The following CPPED1 variants were observed in gnomAD, a reference collection of about 807,000 sequenced individuals.
CPPED1 encodes the protein serine/threonine-protein phosphatase CPPED1.
In CPPED1, 28 loss-of-function variants were observed where a neutral mutation model predicts 28.0. The ratio of observed to expected loss-of-function variants is 1.00; its 90% CI spans 0.74 to 1.37. The LOEUF is 1.37. CPPED1 is among the 40% of genes most tolerant of loss of function. The pLI, the probability that CPPED1 is intolerant of heterozygous loss-of-function variation, is 0.00. For missense variants in CPPED1, 504 were observed against 416.5 expected (o/e 1.21, Z -1.83); for synonymous variants, 198 against 180.2 (o/e 1.10, Z -0.79).
intron 2 of CPPED1, among the ~76,000 whole-genome samples, chr16:12,730,438 T>C (rs899242233): frequency 1.4e-4 from 22 of 152,172 alleles, no homozygotes; most frequent in African/African-American, 4.3e-4. Flanking sequence ...TTCCACTCCT[T>C]GGAATATACC....
chr16:12,678,330 C>A (rs904681401), intron 3 of CPPED1, among the ~76,000 whole-genome samples: 6 of 152,152 alleles, frequency 3.9e-5, no homozygotes, highest in Non-Finnish European at 5.9e-5. Context: ...GTGTCCACAT[C>A]CTTCCATCTA....
intron 3 of CPPED1, among the ~76,000 whole-genome samples, chr16:12,687,234 T>G (rs2079937990): frequency 6.6e-6 from 1 of 152,102 alleles, no homozygotes. Context: ...AAAGATACGG[T>G]GACTACAAAA....
intron 2 of CPPED1, chr16:12,753,012 A>G (rs2080340410): frequency 6.6e-6 from 1 of 152,030 alleles, no homozygotes; most frequent in Non-Finnish European, 1.5e-5. Context: ...GAAGACCGAT[A>G]GCAAAATGAT....
chr16:12,697,539 T>C (rs1045245986), intron 3 of CPPED1, among the ~76,000 whole-genome samples: 1 of 152,162 alleles, frequency 6.6e-6, no homozygotes, highest in East Asian at 1.9e-4. Context: ...ACATACAGAA[T>C]GTGGACAAGG....
intron 2 of CPPED1, among the ~76,000 whole-genome samples, chr16:12,770,888 G>A (rs1331067137): frequency 6.6e-6 from 1 of 151,316 alleles, no homozygotes; most frequent in Non-Finnish European, 1.5e-5. Context: ...GGAAAGGAAG[G>A]GGGAGGGGCG....
chr16:12,787,909 A>G (rs183072016), intron 1 of CPPED1, among the ~76,000 whole-genome samples: 1 of 152,304 alleles, frequency 6.6e-6, no homozygotes, highest in East Asian at 1.9e-4. Context: ...AGTGTTGGTC[A>G]ATGCTGAGGT....
At chr16:12,751,806 G>A (rs2080331187) in intron 2 of CPPED1, among the ~76,000 whole-genome samples, 1 of 152,156 alleles carries the variant, frequency 6.6e-6, no homozygotes, top group Non-Finnish European at 1.5e-5. Flanking sequence ...TTAATCTTTA[G>A]ACTATTTTTG....
intron 2 of CPPED1, among the ~76,000 whole-genome samples, chr16:12,746,455 A>C (rs1418300039): frequency 6.7e-6 from 1 of 150,278 alleles, no homozygotes; most frequent in Non-Finnish European, 1.5e-5. Flanking sequence ...TTTCACAGAC[A>C]TCCTGAAAAA....
intron 2 of CPPED1, among the ~76,000 whole-genome samples, chr16:12,731,440 TC>T (rs1456240140): frequency 6.6e-6 from 1 of 150,656 alleles, no homozygotes; most frequent in South Asian, 2.1e-4. Context: ...GGGGCATGGG[TC>T]CCCCGGGGAA....
At chr16:12,714,710 A>G (rs1210920149) in intron 2 of CPPED1, among the ~76,000 whole-genome samples, 3 of 152,210 alleles carry the variant, frequency 2.0e-5, no homozygotes, top group Non-Finnish European at 4.4e-5. Context: ...TATCAGATAC[A>G]GGATTTGCAA....
intron 3 of CPPED1, among the ~76,000 whole-genome samples, chr16:12,672,563 G>A (rs1440948253): frequency 6.6e-6 from 1 of 152,198 alleles, no homozygotes; most frequent in East Asian, 1.9e-4. Context: ...AGGTTTGTGT[G>A]CATATACAGG....
At chr16:12,702,746 C>A (rs1355646858) in intron 3 of CPPED1, among the ~76,000 whole-genome samples, 1 of 152,002 alleles carries the variant, frequency 6.6e-6, no homozygotes, top group Non-Finnish European at 1.5e-5. Context: ...ACCTGTAATC[C>A]CAGCACTTTG....
At chr16:12,671,040 T>C (rs1457601020) in intron 3 of CPPED1, among the ~76,000 whole-genome samples, 1 of 151,772 alleles carries the variant, frequency 6.6e-6, no homozygotes, top group African/African-American at 2.4e-5. Context: ...TAGTAGAGAT[T>C]GGGTTTCACC....
Position 12,697,086 on chromosome 16 carries a change from G to A in CPPED1, c.715+7538C>T, listed in dbSNP as rs200616550. On this transcript the variant is annotated intron_variant, in intron 3 of 3. Coordinates refer to ENST00000381774, the MANE Select transcript of CPPED1 (RefSeq NM_018340.3). ...GTTGCCCAGATTGGAGTGCAGTGGC[G>A]CAATCTCAGCTCACTGTAACCTCTG... Among the ~76,000 whole-genome samples the A allele has an allele frequency of 8.0e-4, 121 of 151,886 alleles. No individual in the cohort carries two copies. The Middle Eastern group carries it at 0.014, about 17-fold the overall frequency.
intron 2 of CPPED1, among the ~76,000 whole-genome samples, chr16:12,741,709 T>C (rs1426605541): frequency 1.3e-5 from 2 of 152,194 alleles, no homozygotes; most frequent in Admixed American, 1.3e-4. Flanking sequence ...GTAATCACCA[T>C]AGTCTATGTG....
chr16:12,666,447 C>T (rs1024631162), intron 3 of CPPED1, among the ~76,000 whole-genome samples: 6 of 152,178 alleles, frequency 3.9e-5, no homozygotes, highest in South Asian at 2.1e-4. Context: ...CCTCCGTTTA[C>T]GGAAGGAGGC....
chr16:12,719,188 G>A (rs1222867468), intron 2 of CPPED1, among the ~76,000 whole-genome samples: 4 of 152,012 alleles, frequency 2.6e-5, no homozygotes, highest in East Asian at 1.9e-4. Context: ...TCAGGAGATC[G>A]AGACCATCCT....
chr16:12,712,565 G>A (rs74011882), intron 2 of CPPED1, among the ~76,000 whole-genome samples: 1 of 152,258 alleles, frequency 6.6e-6, no homozygotes, highest in African/African-American at 2.4e-5. Flanking sequence ...ATAAGGAATA[G>A]ATAATATGTA....
At chr16:12,701,182 T>A (rs2080018495) in intron 3 of CPPED1, among the ~76,000 whole-genome samples, 1 of 150,982 alleles carries the variant, frequency 6.6e-6, no homozygotes, top group Non-Finnish European at 1.5e-5. Flanking sequence ...TGAGCTATGA[T>A]CACATCACTG....
Sources: allele counts gnomAD v4.1 joint callset (sites outside exome capture counted in the v4.1 genomes callset), GRCh38; gene constraint gnomAD v4.1.1; transcripts MANE v1.5; gene names NCBI Gene and HGNC (gene_info 2026-07-23, HGNC 2026-07-21).